ADCY4: variants seen among roughly 807,000 people sequenced by gnomAD.
The protein encoded by ADCY4 is adenylate cyclase 4, also known as adenylate cyclase type 4.
In ADCY4, 111 loss-of-function variants were observed where a neutral mutation model predicts 125.5. That is an observed-to-expected ratio of 0.88 (90% CI 0.76 to 1.04). The LOEUF is 1.04. Ranked by LOEUF, ADCY4 falls within the 50% of genes least tolerant of loss-of-function variation. The pLI is 0.00. For synonymous variants in ADCY4, 576 were observed against 586.9 expected (o/e 0.98, Z 0.27); for missense variants, 1,256 against 1,382.9 (o/e 0.91, Z 1.46).
chr14:24,327,849 C>T (rs1346812096), intron 10 of ADCY4, among the ~76,000 whole-genome samples: 1 of 152,150 alleles, frequency 6.6e-6, no homozygotes, highest in African/African-American at 2.4e-5. Flanking sequence ...AGGACACGAG[C>T]AGTTCCAGTA....
chr14:24,319,188 G>C lies in ADCY4; in HGVS notation c.2866C>G (p.Leu956Val). 2 of 1,614,142 alleles carry C rather than the reference G, an allele frequency of 1.2e-6. No homozygotes were observed. The highest frequency in any genetic ancestry group is 1.7e-6 in the Non-Finnish European group (2 of 1,180,022). ...ACGGCAAATTCCACCATAGTGCCAA[G>C]GTGGCTGCAGCTCCGTTCAGCATCC... Reference protein sequence around the residue: ...QQDAERSCSHLGTMVEFAVAL... With the variant: ...QQDAERSCSHVGTMVEFAVAL... The change falls in exon 23 of 25, where the codon CTT becomes GTT. Residue 956 changes from leucine (L) to valine (V), a missense_variant. By Grantham distance (32) the Leu-to-Val change is conservative. Transcript: ENST00000418030. The surrounding 1 kb of genome is among the most constrained non-coding windows in gnomAD (Gnocchi z 4.5).
intron 10 of ADCY4, among the ~76,000 whole-genome samples, chr14:24,327,820 G>A (rs952097696): frequency 6.6e-6 from 1 of 152,176 alleles, no homozygotes; most frequent in Non-Finnish European, 1.5e-5. Flanking sequence ...AGCCACCCAG[G>A]CACCGAGGCA....
At chr14:24,327,797 T>A (rs1479184191) in intron 10 of ADCY4, among the ~76,000 whole-genome samples, 1 of 152,164 alleles carries the variant, frequency 6.6e-6, no homozygotes, top group Non-Finnish European at 1.5e-5. Context: ...ATGGACATGG[T>A]GTGTGGGTGG....
At chr14:24,326,047 G>T (rs1452700542) in intron 12 of ADCY4, 32 bp downstream of exon 12, 2 of 1,571,444 alleles carry the variant, frequency 1.3e-6, no homozygotes, top group Non-Finnish European at 1.7e-6. Context: ...CTCAGGGCCT[G>T]CGGCCCCCCC....
rs756537350 is a variant in ADCY4 at position 24,329,899 on chromosome 14, ACAT to A, written c.1175_1177del (p.Asp392del). ...TGCCTCCATGTGGTTAGCCAGTGTG[ACAT>A]CATGTGACCAAACGTCGTACTGCCA... On this transcript the variant is annotated inframe_deletion, in exon 8 of 25. Transcript: ENST00000418030. The A allele has an allele frequency of 2.5e-6, 4 of 1,613,940 alleles. No individual in the cohort carries two copies. Among genetic ancestry groups the A allele is most frequent in the Non-Finnish European group, 3.4e-6 (4 of 1,179,998 alleles).
rs1594654850 is a variant in ADCY4, at chr14:24,324,293, T to G, written c.1908+14A>C. The G allele has an allele frequency of 1.9e-6, 3 of 1,613,996 alleles. No individual in the cohort carries two copies. The highest frequency in any genetic ancestry group is 1.7e-6 in the Non-Finnish European group (2 of 1,179,894). On this transcript the variant is annotated intron_variant, in intron 15 of 24. Transcript: ENST00000418030. ...GGCTCCGGCATACCACTTCCACCCC[T>G]CAGCCCACCTCACCATCAGGTCCTC...
Position 24,319,325 on chromosome 14 carries a change from G to A in ADCY4, c.2841+4C>T, listed in dbSNP as rs2295302. 3.5e-4 allele frequency: 562 copies of A among 1,613,670 alleles called. 4 individuals carry two copies. In the East Asian group the frequency reaches 9.3e-3, roughly 27 times the overall value. The stretch of plus-strand genomic sequence containing the variant: ...GGATGGTAGGTAAGGAAGGGTTGCC[G>A]TACCTGTTGTGCATCCTGTCCAGAG... On this transcript the variant is annotated splice_donor_region_variant and intron_variant, in intron 22 of 24. Transcript: ENST00000418030. This position sits in a 1 kb window ranked among gnomAD's most constrained non-coding sequence, Gnocchi z 4.5.
At chr14:24,323,761 C>G (rs1430157785) in intron 16 of ADCY4, 1 of 609,368 alleles carries the variant, frequency 1.6e-6, no homozygotes, top group East Asian at 1.4e-4. Flanking sequence ...CAGGTGCCCA[C>G]CAGGAATAGA....
At position 24,325,468 on chromosome 14, in the gene ADCY4, G is replaced by A. The variant is rs1332067027; in HGVS notation, c.1732C>T (p.Leu578Phe). Residue 578 changes from leucine (L) to phenylalanine (F), a missense_variant, in exon 14 of 25, where the codon CTC becomes TTC. Physicochemically the swap from Leu to Phe is conservative, Grantham distance 22 (BLOSUM62 0). Transcript: ENST00000418030. ...TATTTGAAGGCGGGGATTGCAGAGAGTCGGTACTGAAAGTGAGAGGGCCAG... is the reference window on the plus strand; with the variant it reads ...TATTTGAAGGCGGGGATTGCAGAGAATCGGTACTGAAAGTGAGAGGGCCAG... ...REKEMEKEYR[L>F]SAIPAFKYYE... 3.7e-6 allele frequency: 6 copies of A among 1,613,622 alleles called. No individual in the cohort carries two copies. The East Asian group carries it at 1.1e-4, about 30-fold the overall frequency.
intron 20 of ADCY4, chr14:24,321,670 C>G (rs2041853865): frequency 2.7e-6 from 1 of 367,468 alleles, no homozygotes; most frequent in African/African-American, 2.2e-5. Context: ...TGCTACTGAT[C>G]TGACAAGAGG....
rs762627889 is a variant in ADCY4, at chr14:24,318,448, G to A, written c.3202C>T (p.Arg1068Ter). Residue 1068 changes from arginine (R) to a stop codon, truncating the protein, a stop_gained, in exon 25 of 25, where the codon CGA becomes TGA. Coordinates refer to ENST00000418030, the MANE Select transcript of ADCY4 (RefSeq NM_001198568.2). LOFTEE classifies it high-confidence loss of function. ...AGGGTAGCTGAAGGAGGTCCAGTTC[G>A]TGTCAAGTCTGTGTTCAGGAAGTAG... ...CTYFLNTDLT[R>*]TGPPSATLG 7 of 1,614,016 alleles carry A rather than the reference G, an allele frequency of 4.3e-6. No individual in the cohort carries two copies. The highest frequency in any genetic ancestry group is 4.0e-5 in the African/African-American group (3 of 74,932).
chr14:24,326,239 G>C, intron 11 of ADCY4, 60 bp downstream of exon 11: 16 of 1,612,310 alleles, frequency 9.9e-6, no homozygotes, highest in Non-Finnish European at 1.4e-5. Context: ...CAGACCCCCA[G>C]GGAGGATGGA....
At chr14:24,323,210 A>G in intron 17 of ADCY4, 122 bp from the exon 18 acceptor site, 1 of 1,362,526 alleles carries the variant, frequency 7.3e-7, no homozygotes, top group East Asian at 2.5e-5. Flanking sequence ...GGCATCATAC[A>G]CACTGATACA....
chr14:24,334,844 A>G lies in ADCY4; in HGVS notation c.-192T>C, dbSNP rs1566444093. 11 of 576,252 alleles carry G rather than the reference A, an allele frequency of 1.9e-5. No individual in the cohort carries two copies. The South Asian group carries it at 2.3e-4, about 12-fold the overall frequency. 35.7% of individuals were successfully genotyped at this position (576,252 alleles called of 1,614,324 possible). The stretch of plus-strand genomic sequence containing the variant: ...CCTCCCAGCCCGCTCCCAGCTGGCG[A>G]TGAGGGGATCCCTCAGTCCTTTCCT... On this transcript the variant is annotated 5_prime_UTR_variant, in exon 1 of 25. Coordinates refer to ENST00000418030, the MANE Select transcript of ADCY4 (RefSeq NM_001198568.2).
rs1013565588 is a variant in ADCY4, at chr14:24,325,609, A to T, written c.1726-135T>A. On this transcript the variant is annotated intron_variant, in intron 13 of 24. Transcript: ENST00000418030. Reference sequence around the variant, plus strand: ...AGTTCAGTTCCATGTAGACCCTACCAGTTCTCCAAGGAGTTACCCTCCTTC... The same window carrying T: ...AGTTCAGTTCCATGTAGACCCTACCTGTTCTCCAAGGAGTTACCCTCCTTC... 8 of 900,888 alleles carry T rather than the reference A, an allele frequency of 8.9e-6. No homozygotes were observed. In the Admixed American group the frequency reaches 9.6e-5, roughly 11 times the overall value. The allele number at this position is 900,888 out of a possible 1,614,324, so 55.8% of individuals were successfully genotyped here.
chr14:24,322,873 C>T, intron 18 of ADCY4, 31 bp downstream of exon 18: 1 of 1,563,098 alleles, frequency 6.4e-7, no homozygotes, highest in Non-Finnish European at 8.7e-7. Flanking sequence ...TCCCAGGGGG[C>T]CCGGCACCTC....
intron 4 of ADCY4, 107 bp downstream of exon 4, chr14:24,331,681 G>A (rs931540807): frequency 7.3e-7 from 1 of 1,375,946 alleles, no homozygotes; most frequent in South Asian, 1.6e-5. Context: ...GAGGAAACAG[G>A]TCAAGAAACC....
chr14:24,326,148 C>T lies in ADCY4; in HGVS notation c.1586G>A (p.Gly529Glu). 1 of 1,595,340 alleles carries T rather than the reference C, an allele frequency of 6.3e-7. No individual in the cohort carries two copies. The highest frequency in any genetic ancestry group is 1.7e-4 in the Middle Eastern group (1 of 5,944). The change falls in exon 12 of 25, where the codon GGA (glycine) becomes GAA (glutamate). Residue 529 changes from glycine (G) to glutamate (E), a missense_variant. Transcript: ENST00000418030. ...CCCGGTGTCCAGTTCATCATCTAGT[C>T]CCCGGGGGGTACGGCTCCTGCACAG... Reference protein sequence around the residue: ...WSLDRSRTPRGLDDELDTGDA... With the variant: ...WSLDRSRTPRELDDELDTGDA...
intron 1 of ADCY4, among the ~76,000 whole-genome samples, chr14:24,333,489 A>G (rs1324313320): frequency 6.6e-6 from 1 of 151,716 alleles, no homozygotes. Context: ...TTGGCCTCCC[A>G]AAGTGCTGGG....
Sources: allele counts gnomAD v4.1 joint callset (sites outside exome capture counted in the v4.1 genomes callset), GRCh38; gene constraint gnomAD v4.1.1; non-coding constraint Gnocchi (gnomAD v3.1); transcripts MANE v1.5; gene names NCBI Gene and HGNC (gene_info 2026-07-23, HGNC 2026-07-21).